The following CTNNA3 variants were observed in gnomAD, a reference collection of about 807,000 sequenced individuals.
CTNNA3 encodes catenin alpha 3.
In CTNNA3, 76 loss-of-function variants were observed where a neutral mutation model predicts 95.7. That is an observed-to-expected ratio of 0.79 (90% CI 0.66 to 0.96). The LOEUF (loss-of-function observed/expected upper bound fraction) is 0.96, where lower values mean the gene tolerates loss of function less well. Among genes scored for constraint, CTNNA3 ranks in the 40% least tolerant of loss-of-function variants. The pLI is 0.00. For synonymous variants in CTNNA3, 431 were observed against 374.4 expected (o/e 1.15, Z -1.74); for missense variants, 1,191 against 1,089.8 (o/e 1.09, Z -1.31).
intron 9 of CTNNA3, among the ~76,000 whole-genome samples, chr10:66,707,724 G>T (rs888030045): frequency 1.3e-5 from 2 of 152,028 alleles, no homozygotes; most frequent in African/African-American, 4.8e-5. Flanking sequence ...TGACAAGGTG[G>T]TAGAAAAGCA....
At chr10:66,755,520 G>T (rs555145764) in intron 9 of CTNNA3, among the ~76,000 whole-genome samples, 2 of 152,142 alleles carry the variant, frequency 1.3e-5, no homozygotes, top group South Asian at 4.1e-4. Flanking sequence ...AGCATTATGA[G>T]ATAATATTAC....
chr10:67,542,592 G>C (rs1840714986), intron 3 of CTNNA3, among the ~76,000 whole-genome samples: 1 of 152,012 alleles, frequency 6.6e-6, no homozygotes, highest in Admixed American at 6.6e-5. Flanking sequence ...ATATCAGTAT[G>C]AAACAGTATT....
At chr10:66,205,905 G>A (rs904497741) in intron 13 of CTNNA3, among the ~76,000 whole-genome samples, 12 of 151,670 alleles carry the variant, frequency 7.9e-5, no homozygotes, top group African/African-American at 1.9e-4. Context: ...AAATACAAAC[G>A]TCACCATTTA....
chr10:67,507,727 G>A (rs1839473326), intron 5 of CTNNA3, among the ~76,000 whole-genome samples: 1 of 152,000 alleles, frequency 6.6e-6, no homozygotes, highest in African/African-American at 2.4e-5. Context: ...ATTTTATGAG[G>A]CCAACATTAC....
chr10:66,868,408 AAC>A (rs1036416937), intron 7 of CTNNA3, among the ~76,000 whole-genome samples: 31 of 151,948 alleles, frequency 2.0e-4, no homozygotes, highest in African/African-American at 7.5e-4. Context: ...TTAATAGACA[AAC>A]ACTGGCAGAG....
chr10:67,055,363 G>T (rs1213138240), intron 7 of CTNNA3, among the ~76,000 whole-genome samples: 2 of 152,162 alleles, frequency 1.3e-5, no homozygotes, highest in African/African-American at 2.4e-5. Flanking sequence ...TAAAAAGAGA[G>T]CAGTCAAACT....
chr10:66,709,536 C>T (rs922594425), intron 9 of CTNNA3, among the ~76,000 whole-genome samples: 2 of 151,732 alleles, frequency 1.3e-5, no homozygotes, highest in African/African-American at 4.9e-5. Context: ...GAAATTATTT[C>T]GAGAAAAAAC....
At chr10:66,442,914 A>G (rs1396559961) in intron 11 of CTNNA3, among the ~76,000 whole-genome samples, 1 of 152,156 alleles carries the variant, frequency 6.6e-6, no homozygotes, top group African/African-American at 2.4e-5. Flanking sequence ...TAGTCAAAGA[A>G]AGGGGTGACA....
chr10:67,644,728 A>G (rs1839651770), intron 2 of CTNNA3, among the ~76,000 whole-genome samples: 1 of 151,954 alleles, frequency 6.6e-6, no homozygotes, highest in African/African-American at 2.4e-5. Flanking sequence ...GCTTTATAAG[A>G]TAGTTATTGC....
chr10:66,302,059 A>C (rs571727484), intron 12 of CTNNA3, among the ~76,000 whole-genome samples: 2 of 152,060 alleles, frequency 1.3e-5, no homozygotes, highest in Non-Finnish European at 1.5e-5. Flanking sequence ...TTAAAAACAC[A>C]ATGCCATTAA....
intron 9 of CTNNA3, among the ~76,000 whole-genome samples, chr10:66,627,340 T>C (rs1410405423): frequency 2.0e-5 from 3 of 152,074 alleles, no homozygotes; most frequent in Admixed American, 1.3e-4. Context: ...ATCCTGGTCC[T>C]CCCCTAGGTC....
intron 7 of CTNNA3, chr10:67,097,685 T>C: frequency 1.2e-6 from 2 of 1,612,782 alleles, no homozygotes; most frequent in Non-Finnish European, 1.7e-6. Flanking sequence ...ATAAGTCCTT[T>C]GAAACGAATG....
intron 7 of CTNNA3, among the ~76,000 whole-genome samples, chr10:66,841,186 C>G (rs1843055344): frequency 6.6e-6 from 1 of 152,124 alleles, no homozygotes; most frequent in South Asian, 2.1e-4. Context: ...CTCTACTCTC[C>G]TAAGAATGCA....
intron 16 of CTNNA3, among the ~76,000 whole-genome samples, chr10:65,987,417 T>A (rs1299036679): frequency 2.0e-5 from 3 of 151,922 alleles, no homozygotes; most frequent in Non-Finnish European, 4.4e-5. Context: ...CCAACAGGTA[T>A]ATGAAAAAAT....
intron 5 of CTNNA3, among the ~76,000 whole-genome samples, chr10:67,401,406 G>A (rs1430944846): frequency 2.6e-5 from 4 of 152,170 alleles, no homozygotes; most frequent in Admixed American, 2.0e-4. Flanking sequence ...AATCTTCAGA[G>A]AGAAACTACC....
intron 12 of CTNNA3, among the ~76,000 whole-genome samples, chr10:66,332,662 C>T (rs1394945541): frequency 6.6e-6 from 1 of 152,066 alleles, no homozygotes; most frequent in Non-Finnish European, 1.5e-5. Context: ...CATCGATGTT[C>T]ATCAGGGATA....
At chr10:67,517,641 C>G (rs187790211) in intron 5 of CTNNA3, among the ~76,000 whole-genome samples, 6 of 152,244 alleles carry the variant, frequency 3.9e-5, no homozygotes, top group Admixed American at 3.9e-4. Flanking sequence ...GGACGTTAGC[C>G]AGAACACTGA....
At chr10:66,957,995 G>A (rs1848911012) in intron 7 of CTNNA3, among the ~76,000 whole-genome samples, 3 of 151,996 alleles carry the variant, frequency 2.0e-5, no homozygotes, top group Non-Finnish European at 4.4e-5. Flanking sequence ...GTGGCCTGGA[G>A]CAGGGTACAG....
At chr10:66,809,497 T>C (rs1841790241) in intron 7 of CTNNA3, among the ~76,000 whole-genome samples, 1 of 152,184 alleles carries the variant, frequency 6.6e-6, no homozygotes, top group African/African-American at 2.4e-5. Flanking sequence ...TTCATTTTTG[T>C]TCTTTTAACA....
Sources: gnomAD v4.1 joint callset for allele counts (sites outside exome capture counted in the v4.1 genomes callset) on GRCh38, gnomAD v4.1.1 for gene constraint, MANE v1.5 for transcripts, NCBI Gene and HGNC (gene_info 2026-07-23, HGNC 2026-07-21) for gene names.